ARRB1: variants seen among roughly 807,000 people sequenced by gnomAD.
The protein encoded by ARRB1 is beta-arrestin-1.
ARRB1 carries 21 observed loss-of-function variants against 56.8 expected under a neutral mutation model. That is an observed-to-expected ratio of 0.37 (90% CI 0.26 to 0.53). The LOEUF (loss-of-function observed/expected upper bound fraction) is 0.53. Ranked by LOEUF, ARRB1 falls within the 20% of genes least tolerant of loss-of-function variation. ARRB1 has a pLI of 0.88. For synonymous variants in ARRB1, 210 were observed against 218.6 expected, an observed-to-expected ratio of 0.96 and a Z score of 0.35; for missense variants, 424 against 553.7, an observed-to-expected ratio of 0.77 and a Z score of 2.35.
intron 1 of ARRB1, among the ~76,000 whole-genome samples, chr11:75,331,657 C>T (rs555980783): frequency 6.6e-6 from 1 of 151,224 alleles, no homozygotes; most frequent in East Asian, 2.0e-4. Flanking sequence ...CTACGCAAAT[C>T]TTATAAAACG....
chr11:75,319,227 A>T (rs1044549980), intron 1 of ARRB1, among the ~76,000 whole-genome samples: 5 of 152,060 alleles, frequency 3.3e-5, no homozygotes, highest in African/African-American at 1.2e-4. Flanking sequence ...GGAGGGAAGG[A>T]TTAGCACAGC....
intron 12 of ARRB1, 129 bp from the exon 13 acceptor site, chr11:75,271,853 C>A: frequency 1.0e-6 from 1 of 988,788 alleles, no homozygotes; most frequent in African/African-American, 1.6e-5. Flanking sequence ...ACACTCCCAC[C>A]CACCCCCCTG....
At chr11:75,313,123 C>T (rs1444249765) in intron 1 of ARRB1, among the ~76,000 whole-genome samples, 4 of 152,108 alleles carry the variant, frequency 2.6e-5, no homozygotes, top group Non-Finnish European at 4.4e-5. Context: ...GAGGCCAAGG[C>T]GGGCAGATCA....
chr11:75,277,437 A>G lies in ARRB1; in HGVS notation c.630T>C (p.His210=), dbSNP rs769351366. The G allele has an allele frequency of 6.2e-7, 1 of 1,614,034 alleles. No individual in the cohort carries two copies. The highest frequency in any genetic ancestry group is 8.5e-7 in the Non-Finnish European group (1 of 1,179,996). Residue 210 remains histidine, a synonymous_variant, in exon 9 of 16, where the codon CAT becomes CAC. Transcript: ENST00000420843. The stretch of plus-strand genomic sequence containing the variant: ...GGACGTTGACGCTGATGGGTTCTCC[A>G]TGGTAATAGATCTGGGGGGCATAAG... ...EASLDKEIYY[H]GEPISVNVHV...
At chr11:75,324,307 T>A (rs1007239783) in intron 1 of ARRB1, among the ~76,000 whole-genome samples, 2 of 152,234 alleles carry the variant, frequency 1.3e-5, no homozygotes, top group Non-Finnish European at 2.9e-5. Context: ...CTTCCTTTAC[T>A]GCTGGGACAG....
intron 1 of ARRB1, among the ~76,000 whole-genome samples, chr11:75,335,839 A>G (rs550528840): frequency 2.6e-5 from 4 of 152,218 alleles, no homozygotes; most frequent in East Asian, 1.9e-4. Flanking sequence ...CCACATCCAC[A>G]TCCCGTTTGG....
chr11:75,327,118 C>T (rs1237584119), intron 1 of ARRB1, among the ~76,000 whole-genome samples: 3 of 151,708 alleles, frequency 2.0e-5, no homozygotes. Flanking sequence ...ATCAAGACCA[C>T]GGTGAAACCC....
chr11:75,335,183 T>A (rs72561778), intron 1 of ARRB1: 1 of 242,320 alleles, frequency 4.1e-6, no homozygotes, highest in Non-Finnish European at 9.7e-6. Context: ...AACAGACAGA[T>A]GAGGCTCCGG....
intron 8 of ARRB1, among the ~76,000 whole-genome samples, 153 bp downstream of exon 8, chr11:75,278,456 T>A (rs1006661757): frequency 1.3e-5 from 2 of 152,214 alleles, no homozygotes; most frequent in African/African-American, 4.8e-5. Context: ...AAATCCCCCA[T>A]GAGAGGTCTC....
At position 75,344,558 on chromosome 11, in the gene ARRB1, G is replaced by T. The variant is rs765430023; in HGVS notation, c.20+7030C>A. On this transcript the variant is annotated intron_variant, in intron 1 of 15. Transcript: ENST00000420843. ...GCCCTTTGCACAAGGCAGGGGCAAG[G>T]GTGAAGAGGGAACAAACCTAGCAGA... Among the ~76,000 whole-genome samples the T allele has an allele frequency of 3.9e-5, 6 of 152,120 alleles. No homozygotes were observed. The South Asian group carries it at 8.3e-4, about 21-fold the overall frequency.
At chr11:75,305,626 C>T (rs1947010903) in intron 1 of ARRB1, among the ~76,000 whole-genome samples, 2 of 152,128 alleles carry the variant, frequency 1.3e-5, no homozygotes, top group Admixed American at 1.3e-4. Context: ...GGGTGTAACC[C>T]TAAGTAGAGA....
rs1945821742 is a variant in ARRB1, at chr11:75,262,609, C to G, written c.*3554G>C. 6.6e-6 allele frequency: 1 copy of G among 152,204 alleles called. No individual in the cohort carries two copies. The highest frequency in any genetic ancestry group is 2.4e-5 in the African/African-American group (1 of 41,426). The allele number at this position is 152,204 out of a possible 1,614,324, so 9.4% of individuals were successfully genotyped here. ...ATCCAGCCATTTTCAACTTACAGAG[C>G]CCTGACCGCTGACTTTCATCTCATC... On this transcript the variant is annotated 3_prime_UTR_variant, in exon 16 of 16. Coordinates refer to ENST00000420843, the MANE Select transcript of ARRB1 (RefSeq NM_004041.5).
In ARRB1 at chr11:75,268,949, C is replaced by T. The variant is rs1946007691; in HGVS notation, c.1033G>A (p.Val345Met). 1.2e-6 allele frequency: 2 copies of T among 1,609,604 alleles called. No individual in the cohort carries two copies. Among genetic ancestry groups the T allele is most frequent in the Non-Finnish European group, 1.7e-6 (2 of 1,178,766 alleles). Residue 345 changes from valine to methionine, a missense_variant, in exon 14 of 16, where the codon GTG becomes ATG. By Grantham distance (21) the Val-to-Met change is conservative (BLOSUM62 1). Transcript: ENST00000420843. ...LGDLASSDVA[V>M]ELPFTLMHPK... ...TGCATTAGGGTGAAGGGCAGTTCCA[C>T]GGCCACGTCGCTGAAACAGAGACCC...
At chr11:75,340,654 C>T (rs1947680138) in intron 1 of ARRB1, among the ~76,000 whole-genome samples, 1 of 152,216 alleles carries the variant, frequency 6.6e-6, no homozygotes, top group East Asian at 1.9e-4. Context: ...CAAGCAGGCA[C>T]CTCCTACTTG....
At chr11:75,350,939 G>A (rs1346640279) in intron 1 of ARRB1, among the ~76,000 whole-genome samples, 1 of 152,166 alleles carries the variant, frequency 6.6e-6, no homozygotes, top group African/African-American at 2.4e-5. Flanking sequence ...TGTGTCTGTG[G>A]GGGTCAGTGT....
Position 75,291,375 on chromosome 11 carries a change from C to T in ARRB1, c.21-1336G>A, listed in dbSNP as rs192238447. On this transcript the variant is annotated intron_variant, in intron 1 of 15. Coordinates refer to ENST00000420843, the MANE Select transcript of ARRB1 (RefSeq NM_004041.5). ...AAAATGATGAATGGCAGGTAGCAAA[C>T]ACTCAATAAACATTAGTTGAACAGG... Among the ~76,000 whole-genome samples the T allele has an allele frequency of 3.9e-5, 6 of 152,250 alleles. No homozygotes were observed. The East Asian group carries it at 1.2e-3, about 29-fold the overall frequency.
At chr11:75,330,829 G>C (rs1947508791) in intron 1 of ARRB1, among the ~76,000 whole-genome samples, 2 of 152,182 alleles carry the variant, frequency 1.3e-5, no homozygotes, top group Admixed American at 1.3e-4. Flanking sequence ...GAAAGTGGCA[G>C]GGAACTTTCC....
intron 3 of ARRB1, among the ~76,000 whole-genome samples, chr11:75,285,030 T>C (rs1946438336): frequency 1.3e-5 from 2 of 152,226 alleles, no homozygotes; most frequent in African/African-American, 4.8e-5. Context: ...ACAAATATTC[T>C]CACCAAGAGG....
At chr11:75,273,306 G>A (rs776685338) in intron 11 of ARRB1, among the ~76,000 whole-genome samples, 2 of 151,998 alleles carry the variant, frequency 1.3e-5, no homozygotes, top group Non-Finnish European at 2.9e-5. Context: ...AGCAACCCAT[G>A]GGCAGAAAGG....
Sources: allele counts gnomAD v4.1 joint callset (sites outside exome capture counted in the v4.1 genomes callset), GRCh38; gene constraint gnomAD v4.1.1; transcripts MANE v1.5; gene names NCBI Gene and HGNC (gene_info 2026-07-23, HGNC 2026-07-21).